TMEM131L: variants seen among roughly 807,000 people sequenced by gnomAD.
The protein encoded by TMEM131L is transmembrane protein 131-like.
In TMEM131L, 54 loss-of-function variants were observed where a neutral mutation model predicts 192.2. The observed-to-expected ratio is 0.28, with a 90% CI of 0.23 to 0.35. TMEM131L has a LOEUF of 0.35. Among genes scored for constraint, TMEM131L ranks in the 10% least tolerant of loss-of-function variants. The pLI, the probability that TMEM131L is intolerant of heterozygous loss-of-function variation, is 1.00. For missense variants in TMEM131L, 1,888 were observed against 1,972.9 expected, an observed-to-expected ratio of 0.96 and a Z score of 0.82; for synonymous variants, 701 against 704.9, an observed-to-expected ratio of 0.99 and a Z score of 0.09.
At chr4:153,579,933 A>G (rs1250692423) in intron 7 of TMEM131L, among the ~76,000 whole-genome samples, 2 of 152,028 alleles carry the variant, frequency 1.3e-5, no homozygotes, top group Non-Finnish European at 2.9e-5. Flanking sequence ...TTAAATAGGT[A>G]CTCCCTATTA....
rs767968291 is a variant in TMEM131L at position 153,586,390 on chromosome 4, C to T, written c.1482+11C>T. On this transcript the variant is annotated intron_variant, in intron 14 of 34. Transcript: ENST00000409959. ...TCAGCACCAACCAAGGTATTTTCTA[C>T]AATACTATATGTGTGTTACAGTTTT... 60 of 1,579,012 alleles carry T rather than the reference C, an allele frequency of 3.8e-5. No individual in the cohort carries two copies. In the East Asian group the frequency reaches 1.3e-3, roughly 34 times the overall value.
At chr4:153,485,259 C>T (rs952065242) in intron 3 of TMEM131L, among the ~76,000 whole-genome samples, 20 of 151,772 alleles carry the variant, frequency 1.3e-4, no homozygotes, top group African/African-American at 4.4e-4. Context: ...TAATTCATTG[C>T]GTTGCCTTCT....
intron 7 of TMEM131L, chr4:153,558,639 TAA>T (rs1266165698): frequency 1.5e-5 from 3 of 197,664 alleles, no homozygotes; most frequent in Non-Finnish European, 3.1e-5. Flanking sequence ...ACCTATTTTA[TAA>T]GTTTCTTTAA....
intron 3 of TMEM131L, among the ~76,000 whole-genome samples, chr4:153,539,182 C>CG (rs756075007): frequency 4.6e-5 from 7 of 152,136 alleles, no homozygotes; most frequent in Non-Finnish European, 8.8e-5. Context: ...GGGGGGGAGG[C>CG]GGAAAAAAAC....
chr4:153,557,887 C>T (rs1190221362), intron 6 of TMEM131L, among the ~76,000 whole-genome samples: 1 of 152,156 alleles, frequency 6.6e-6, no homozygotes, highest in Non-Finnish European at 1.5e-5. Context: ...GCAGCCACCT[C>T]CCAGGCACAA....
At chr4:153,543,694 T>C (rs1394948235) in intron 3 of TMEM131L, among the ~76,000 whole-genome samples, 1 of 152,274 alleles carries the variant, frequency 6.6e-6, no homozygotes, top group Non-Finnish European at 1.5e-5. Flanking sequence ...AGGTAGCAGC[T>C]GGGTCTTAGA....
At chr4:153,516,333 G>A (rs1734728216) in intron 3 of TMEM131L, among the ~76,000 whole-genome samples, 1 of 152,024 alleles carries the variant, frequency 6.6e-6, no homozygotes, top group Non-Finnish European at 1.5e-5. Flanking sequence ...AGGCTCAAGC[G>A]ATCCTCCCAC....
At chr4:153,474,032 T>C (rs755879362) in intron 3 of TMEM131L, 144 bp downstream of exon 3, 1 of 522,086 alleles carries the variant, frequency 1.9e-6, no homozygotes, top group Non-Finnish European at 3.4e-6. Flanking sequence ...GTCGTATCTA[T>C]ACCTTCTAAT....
chr4:153,545,802 G>T (rs963852817), intron 3 of TMEM131L, among the ~76,000 whole-genome samples: 1 of 152,202 alleles, frequency 6.6e-6, no homozygotes, highest in Non-Finnish European at 1.5e-5. Context: ...TAAGGACTAA[G>T]AGTGTGTGGA....
At chr4:153,622,848 T>C in intron 28 of TMEM131L, 50 bp from the exon 29 acceptor site, 3 of 1,571,522 alleles carry the variant, frequency 1.9e-6, no homozygotes, top group South Asian at 1.1e-5. Flanking sequence ...TAGAAATGCA[T>C]GAGGTTGACA....
chr4:153,626,305 C>T (rs1444489896), intron 30 of TMEM131L, 80 bp downstream of exon 30: 1 of 916,002 alleles, frequency 1.1e-6, no homozygotes, highest in Non-Finnish European at 1.7e-6. Context: ...CTTCTTTGTA[C>T]TTGGTTCTGC....
rs184172899 is a variant in TMEM131L at position 153,616,354 on chromosome 4, A to G, written c.3567+3954A>G. The stretch of plus-strand genomic sequence containing the variant: ...TGAGTGTATTAATACTTTCCATTTC[A>G]TTGTTCATTTGGCGAAAATCATTCT... On this transcript the variant is annotated intron_variant, in intron 26 of 34. Transcript: ENST00000409959. Among the ~76,000 whole-genome samples, 307 of 151,978 alleles carry G rather than the reference A, an allele frequency of 2.0e-3. 3 individuals carry two copies. The highest frequency in any genetic ancestry group is 2.0e-3 in the Non-Finnish European group (137 of 67,976).
intron 3 of TMEM131L, among the ~76,000 whole-genome samples, chr4:153,501,862 C>T (rs536917644): frequency 6.6e-6 from 1 of 152,180 alleles, no homozygotes; most frequent in South Asian, 2.1e-4. Flanking sequence ...CTTCATTTCC[C>T]CTCCAGGATG....
chr4:153,595,391 A>G (rs1164894984), intron 19 of TMEM131L, among the ~76,000 whole-genome samples: 1 of 152,230 alleles, frequency 6.6e-6, no homozygotes, highest in Admixed American at 6.5e-5. Flanking sequence ...TTCAGTATTC[A>G]TATTACCTGC....
rs751533092 is a variant in TMEM131L, at chr4:153,603,850, C to A, written c.2838C>A (p.Gly946=). ...ATACATATGGCCCCTCTGATAAAGGCAGGGGGAAGAACTGCCTTCCAGTGA... is the reference window on the plus strand; with the variant it reads ...ATACATATGGCCCCTCTGATAAAGGAAGGGGGAAGAACTGCCTTCCAGTGA... ...FLDTYGPSDK[G]RGKNCLPVNT... The change falls in exon 25 of 35, where the codon GGC becomes GGA. Residue 946 remains glycine (G), a synonymous_variant. Transcript: ENST00000409959. The A allele has an allele frequency of 6.2e-7, 1 of 1,611,594 alleles. No homozygotes were observed. Among genetic ancestry groups the A allele is most frequent in the Admixed American group, 1.7e-5 (1 of 59,372 alleles).
intron 4 of TMEM131L, among the ~76,000 whole-genome samples, chr4:153,552,642 G>A (rs895008878): frequency 1.2e-4 from 18 of 152,262 alleles, no homozygotes; most frequent in Middle Eastern, 3.4e-3. Flanking sequence ...ACCAGCCTGC[G>A]CAACACTGTG....
intron 3 of TMEM131L, among the ~76,000 whole-genome samples, chr4:153,528,117 G>A (rs1363801873): frequency 2.0e-5 from 3 of 152,168 alleles, no homozygotes; most frequent in African/African-American, 4.8e-5. Context: ...GAAAATAGAC[G>A]TTATACATTT....
chr4:153,580,574 A>G (rs1023023735), intron 7 of TMEM131L, among the ~76,000 whole-genome samples: 1 of 152,202 alleles, frequency 6.6e-6, no homozygotes, highest in Non-Finnish European at 1.5e-5. Context: ...AGGAATTTTC[A>G]TGTTGCCCGA....
At chr4:153,498,181 G>C (rs1327159188) in intron 3 of TMEM131L, among the ~76,000 whole-genome samples, 1 of 152,184 alleles carries the variant, frequency 6.6e-6, no homozygotes, top group African/African-American at 2.4e-5. Flanking sequence ...CACAAATGAT[G>C]CTTGGTAGGC....
Sources: allele counts gnomAD v4.1 joint callset (sites outside exome capture counted in the v4.1 genomes callset), GRCh38; gene constraint gnomAD v4.1.1; transcripts MANE v1.5; gene names NCBI Gene and HGNC (gene_info 2026-07-23, HGNC 2026-07-21).